The following CYB5RL variants were observed in gnomAD, a reference collection of about 807,000 sequenced individuals.
CYB5RL encodes the protein cytochrome b5 reductase like, also known as NADH-cytochrome b5 reductase-like.
A neutral mutation model predicts 37.5 loss-of-function variants in CYB5RL; 38 were observed. The observed-to-expected ratio is 1.01, with a 90% CI of 0.78 to 1.33. CYB5RL has a LOEUF of 1.33. Among genes scored for constraint, CYB5RL ranks in the 40% most tolerant of loss-of-function variants. The pLI is 0.00. For synonymous variants in CYB5RL, 141 were observed against 151.9 expected (o/e 0.93, Z 0.53); for missense variants, 388 against 394.4 (o/e 0.98, Z 0.14).
chr1:54,175,896 G>C (rs1396592917), intron 7 of CYB5RL, among the ~76,000 whole-genome samples: 1 of 152,058 alleles, frequency 6.6e-6, no homozygotes, highest in Non-Finnish European at 1.5e-5. Context: ...GGGGGTCCTG[G>C]AGTCAATCCC....
intron 3 of CYB5RL, among the ~76,000 whole-genome samples, chr1:54,193,444 GAAGA>G (rs1306814151): frequency 5.9e-5 from 9 of 152,210 alleles, no homozygotes; most frequent in Non-Finnish European, 1.0e-4. Flanking sequence ...AGGGCAGTGA[GAAGA>G]AAGAAACAGA....
chr1:54,186,647 G>C (rs1366999738), intron 5 of CYB5RL, among the ~76,000 whole-genome samples: 1 of 152,030 alleles, frequency 6.6e-6, no homozygotes, highest in Non-Finnish European at 1.5e-5. Context: ...CAAGCAGCCT[G>C]GGGAAGCAGG....
At chr1:54,199,535 T>C (rs1414817443) in intron 1 of CYB5RL, among the ~76,000 whole-genome samples, 1 of 152,208 alleles carries the variant, frequency 6.6e-6, no homozygotes, top group Non-Finnish European at 1.5e-5. Context: ...TATTTACCAA[T>C]GCCAACCGGG....
At chr1:54,188,934 C>T (rs936395533) in intron 4 of CYB5RL, among the ~76,000 whole-genome samples, 1 of 152,194 alleles carries the variant, frequency 6.6e-6, no homozygotes, top group Admixed American at 6.5e-5. Flanking sequence ...TCTATAATCC[C>T]AGCACTCTGG....
intron 1 of CYB5RL, among the ~76,000 whole-genome samples, chr1:54,198,132 T>A (rs1644030270): frequency 6.6e-6 from 1 of 151,240 alleles, no homozygotes; most frequent in African/African-American, 2.4e-5. Flanking sequence ...TGACTGCTCA[T>A]TCAGTTTACA....
chr1:54,197,314 T>TTC (rs1406178607), intron 1 of CYB5RL, among the ~76,000 whole-genome samples: 2 of 136,690 alleles, frequency 1.5e-5, no homozygotes, highest in East Asian at 4.1e-4. Flanking sequence ...TTTCTTTTCT[T>TTC]TTCTTTTTTT....
At chr1:54,180,252 A>T (rs1364345156) in intron 6 of CYB5RL, 1 of 407,166 alleles carries the variant, frequency 2.5e-6, no homozygotes, top group African/African-American at 2.1e-5. Flanking sequence ...AAAAAAAAAA[A>T]GGTGAGTTCC....
intron 5 of CYB5RL, chr1:54,184,521 A>C (rs752785194): frequency 1.0e-5 from 4 of 397,276 alleles, no homozygotes; most frequent in African/African-American, 2.0e-5. Context: ...TAGAGGTCCC[A>C]AACCCAAATG....
At chr1:54,199,670 G>A (rs895961729) in intron 1 of CYB5RL, among the ~76,000 whole-genome samples, 58 of 152,286 alleles carry the variant, frequency 3.8e-4, no homozygotes, top group African/African-American at 1.3e-3. Context: ...AGAGGGAAAG[G>A]AAAAGCGAGG....
At position 54,179,335 on chromosome 1, in the gene CYB5RL, C is replaced by T. The variant is rs1156562524; in HGVS notation, c.558G>A (p.Leu186=). 6.2e-7 allele frequency: 1 copy of T among 1,613,106 alleles called. No individual in the cohort carries two copies. Among genetic ancestry groups the T allele is most frequent in the South Asian group, 1.1e-5 (1 of 90,952 alleles). ...YKPNQYGELL[L]LAAGTGLAPM... Reference sequence around the variant, plus strand: ...GGGCCAGGCCCGTGCCCGCAGCCAGCAAGAGGAGCTCACCATACTGGGGAA... The same window carrying T: ...GGGCCAGGCCCGTGCCCGCAGCCAGTAAGAGGAGCTCACCATACTGGGGAA... Residue 186 remains leucine (L), a synonymous_variant, in exon 7 of 8, where the codon TTG becomes TTA. Coordinates refer to ENST00000534324, the MANE Select transcript of CYB5RL (RefSeq NM_001031672.4).
chr1:54,170,861 G>T lies in CYB5RL; in HGVS notation c.*3758C>A. On this transcript the variant is annotated 3_prime_UTR_variant, in exon 8 of 8. Transcript: ENST00000534324. ...TTAGTTTCCTCATCAGTAAATTGGG[G>T]TAATAAAATAGCATGTATATTGGTG... The T allele has an allele frequency of 3.1e-6, 1 of 318,466 alleles. No homozygotes were observed. Among genetic ancestry groups the T allele is most frequent in the South Asian group, 2.8e-5 (1 of 36,224 alleles). 19.7% of individuals were successfully genotyped at this position (318,466 alleles called of 1,614,324 possible). A position where few individuals can be genotyped will look rare whatever the true frequency, so the allele number is the denominator to read the frequency against.
chr1:54,188,511 T>C (rs951583798), intron 4 of CYB5RL, among the ~76,000 whole-genome samples: 3 of 152,200 alleles, frequency 2.0e-5, no homozygotes, highest in African/African-American at 7.2e-5. Context: ...CCCTGTCTCA[T>C]GCATGAATCC....
rs867564282 is a variant in CYB5RL at position 54,171,103 on chromosome 1, C to G, written c.*3516G>C. ...CAAGCCTCTCTGCTCACTGACCAAGCTGGAGTGGAAGAGACAGGCGAGGCT... is the reference window on the plus strand; with the variant it reads ...CAAGCCTCTCTGCTCACTGACCAAGGTGGAGTGGAAGAGACAGGCGAGGCT... On this transcript the variant is annotated 3_prime_UTR_variant, in exon 8 of 8. Transcript: ENST00000534324. 1 of 455,574 alleles carries G rather than the reference C, an allele frequency of 2.2e-6. No homozygotes were observed. Among genetic ancestry groups the G allele is most frequent in the South Asian group, 1.6e-5 (1 of 64,496 alleles). The allele number at this position is 455,574 out of a possible 1,614,324, so 28.2% of individuals were successfully genotyped here. A position where few individuals can be genotyped will look rare whatever the true frequency, so the allele number is the denominator to read the frequency against.
chr1:54,198,878 C>T (rs1278977742), intron 1 of CYB5RL, among the ~76,000 whole-genome samples: 2 of 152,134 alleles, frequency 1.3e-5, no homozygotes, highest in African/African-American at 4.8e-5. Flanking sequence ...CAAGTGGCCC[C>T]TCCCACCTAG....
At chr1:54,184,906 C>T (rs1282630054) in intron 5 of CYB5RL, 1 of 152,258 alleles carries the variant, frequency 6.6e-6, no homozygotes, top group African/African-American at 2.4e-5. Flanking sequence ...ACACCATCTC[C>T]TGGCTGGATG....
At chr1:54,187,298 T>G (rs1643909233) in intron 5 of CYB5RL, among the ~76,000 whole-genome samples, 1 of 152,144 alleles carries the variant, frequency 6.6e-6, no homozygotes, top group South Asian at 2.1e-4. Context: ...CAACCTTTGG[T>G]TAACCATCCC....
At chr1:54,191,034 C>A (rs1643947731) in intron 3 of CYB5RL, 138 bp from the exon 4 acceptor site, 2 of 1,168,032 alleles carry the variant, frequency 1.7e-6, no homozygotes, top group South Asian at 3.2e-5. Context: ...CTAGCCTCAC[C>A]TTACTTCCCT....
intron 1 of CYB5RL, among the ~76,000 whole-genome samples, chr1:54,198,332 TTTC>T (rs1168265296): frequency 2.7e-4 from 41 of 149,692 alleles, no homozygotes; most frequent in Non-Finnish European, 5.2e-4. Flanking sequence ...CTTTTCTTTC[TTTC>T]TTTTTTTTTT....
intron 3 of CYB5RL, among the ~76,000 whole-genome samples, 188 bp downstream of exon 3, chr1:54,195,230 CT>C (rs1359404713): frequency 2.0e-5 from 3 of 152,228 alleles, no homozygotes; most frequent in African/African-American, 4.8e-5. Flanking sequence ...TAAACTCTGC[CT>C]CAAATCACAC....
Sources: allele counts gnomAD v4.1 joint callset (sites outside exome capture counted in the v4.1 genomes callset), GRCh38; gene constraint gnomAD v4.1.1; transcripts MANE v1.5; gene names NCBI Gene and HGNC (gene_info 2026-07-23, HGNC 2026-07-21).